Variants in TLCD4 observed in about 807,000 individuals in gnomAD.
The protein encoded by TLCD4 is TLC domain-containing protein 4.
Under a neutral mutation model 24.2 loss-of-function variants are expected in TLCD4, and 7 were observed. The observed-to-expected ratio is 0.29, with a 90% confidence interval of 0.16 to 0.54. TLCD4 has a LOEUF of 0.54. TLCD4 is among the 20% of genes least tolerant of loss of function. The pLI is 0.95. For missense variants in TLCD4, 259 were observed against 313.9 expected (o/e 0.82, Z 1.32); for synonymous variants, 103 against 106.4 (o/e 0.97, Z 0.20).
intron 5 of TLCD4, among the ~76,000 whole-genome samples, chr1:95,173,217 C>A (rs926541195): frequency 6.6e-6 from 1 of 152,002 alleles, no homozygotes; most frequent in African/African-American, 2.4e-5. Flanking sequence ...TTTTAAGGTG[C>A]TTCCAGTTAG....
the TLCD4 span, among the ~76,000 whole-genome samples, chr1:95,105,919 A>C: frequency 1.3e-5 from 2 of 151,044 alleles, no homozygotes; most frequent in Non-Finnish European, 1.5e-5. Context: ...AAAAGAAAAG[A>C]AAAAAGAAAG....
chr1:95,115,086 C>A (rs1025417826), upstream of TLCD4, among the ~76,000 whole-genome samples: 4 of 80,338 alleles, frequency 5.0e-5, no homozygotes, highest in Admixed American at 1.6e-4. Context: ...TATATATACA[C>A]ATTATATATA....
At chr1:95,168,914 G>A (rs1439965572) in intron 5 of TLCD4, among the ~76,000 whole-genome samples, 3 of 152,214 alleles carry the variant, frequency 2.0e-5, no homozygotes, top group Admixed American at 6.5e-5. Context: ...AGAGATCTGC[G>A]GAGCCAATTG....
intron 1 of TLCD4, among the ~76,000 whole-genome samples, chr1:95,122,631 TGTG>T (rs1297719445): frequency 1.3e-5 from 2 of 152,212 alleles, no homozygotes; most frequent in Admixed American, 1.3e-4. Flanking sequence ...CCAACTGCCT[TGTG>T]GTGTCCACCT....
At chr1:95,162,099 G>A (rs187067962) in intron 5 of TLCD4, among the ~76,000 whole-genome samples, 3 of 152,246 alleles carry the variant, frequency 2.0e-5, no homozygotes, top group Admixed American at 6.5e-5. Context: ...TGACAGTGGG[G>A]TGTTAAAAGT....
At chr1:95,157,713 C>T (rs1278278738) in intron 5 of TLCD4, among the ~76,000 whole-genome samples, 3 of 152,182 alleles carry the variant, frequency 2.0e-5, no homozygotes, top group African/African-American at 7.2e-5. Context: ...TTCCGTGTAG[C>T]TTGGGCTTCT....
intron 1 of TLCD4, among the ~76,000 whole-genome samples, chr1:95,136,680 T>C (rs1189527784): frequency 2.6e-5 from 4 of 152,212 alleles, no homozygotes; most frequent in Non-Finnish European, 4.4e-5. Context: ...CTTTTTTTGG[T>C]ATTTTTCATA....
At chr1:95,097,563 G>A in the TLCD4 span, among the ~76,000 whole-genome samples, 1 of 152,232 alleles carries the variant, frequency 6.6e-6, no homozygotes, top group Non-Finnish European at 1.5e-5. Flanking sequence ...CAAGATGGGA[G>A]TAACGAAGTA....
intron 6 of TLCD4, among the ~76,000 whole-genome samples, chr1:95,184,703 T>C (rs1678770276): frequency 6.6e-6 from 1 of 152,178 alleles, no homozygotes; most frequent in Non-Finnish European, 1.5e-5. Flanking sequence ...TTTCCTTCCT[T>C]CCCACATGCA....
chr1:95,170,911 C>T (rs2100986102), intron 5 of TLCD4, among the ~76,000 whole-genome samples: 1 of 151,870 alleles, frequency 6.6e-6, no homozygotes. Context: ...TTGAACAAGC[C>T]ACCAAATTTT....
intron 1 of TLCD4, among the ~76,000 whole-genome samples, chr1:95,133,690 T>A (rs548838961): frequency 6.6e-6 from 1 of 152,168 alleles, no homozygotes; most frequent in African/African-American, 2.4e-5. Flanking sequence ...GGAATTTTAT[T>A]GTGGACTCTG....
At chr1:95,159,739 C>G (rs1677730742) in intron 5 of TLCD4, among the ~76,000 whole-genome samples, 2 of 152,114 alleles carry the variant, frequency 1.3e-5, no homozygotes, top group Non-Finnish European at 2.9e-5. Flanking sequence ...GCCAGTTTTC[C>G]CAGCACCATT....
the TLCD4 span, among the ~76,000 whole-genome samples, chr1:95,110,188 TA>T: frequency 1.3e-5 from 2 of 151,368 alleles, no homozygotes; most frequent in Admixed American, 1.3e-4. Context: ...ATGACAGTTT[TA>T]CACTTTTTTT....
the TLCD4 span, among the ~76,000 whole-genome samples, chr1:95,102,406 A>G: frequency 1.3e-5 from 2 of 152,284 alleles, no homozygotes; most frequent in South Asian, 4.1e-4. Flanking sequence ...GTACTTGGAT[A>G]GAGAGAGCTG....
chr1:95,157,108 TA>T (rs1183498375), intron 5 of TLCD4, among the ~76,000 whole-genome samples: 1 of 152,158 alleles, frequency 6.6e-6, no homozygotes, highest in African/African-American at 2.4e-5. Context: ...AGAGGCCATT[TA>T]AAAAAGCTGT....
intron 5 of TLCD4, among the ~76,000 whole-genome samples, chr1:95,170,499 T>G (rs2100985193): frequency 6.6e-6 from 1 of 152,090 alleles, no homozygotes; most frequent in Admixed American, 6.5e-5. Context: ...CTGGCTAATT[T>G]TTTGTATTTT....
intron 1 of TLCD4, among the ~76,000 whole-genome samples, chr1:95,126,081 C>G (rs1189930936): frequency 6.7e-6 from 1 of 149,822 alleles, no homozygotes; most frequent in Non-Finnish European, 1.5e-5. Context: ...CACTTGTGTT[C>G]AGTAGTTTGA....
chr1:95,142,601 C>T (rs979170835), intron 1 of TLCD4, among the ~76,000 whole-genome samples: 22 of 152,098 alleles, frequency 1.4e-4, no homozygotes, highest in Non-Finnish European at 2.6e-4. Context: ...GGCTTAAATA[C>T]CTGCTACAGG....
Position 95,191,701 on chromosome 1 carries a change from A to C in TLCD4, c.625A>C (p.Ile209Leu). The change falls in exon 7 of 7, where the codon ATA (isoleucine) becomes CTA (leucine). Residue 209 changes from isoleucine to leucine, a missense_variant. Ile to Leu is a conservative substitution (Grantham distance 5, BLOSUM62 2). Transcript: ENST00000370203. ...TTCCGTGTATGGAACAGAACCCTACATAAGGCTTGGAGTTTTAATCCAGTT... is the reference window on the plus strand; with the variant it reads ...TTCCGTGTATGGAACAGAACCCTACCTAAGGCTTGGAGTTTTAATCCAGTT... ...MYSVYGTEPYIRLGVLIQLSW... is the reference protein window; with the variant it reads ...MYSVYGTEPYLRLGVLIQLSW... The C allele has an allele frequency of 6.2e-7, 1 of 1,614,186 alleles. No individual in the cohort carries two copies. Among genetic ancestry groups the C allele is most frequent in the South Asian group, 1.1e-5 (1 of 91,084 alleles).
Sources: allele counts gnomAD v4.1 joint callset (sites outside exome capture counted in the v4.1 genomes callset), GRCh38; gene constraint gnomAD v4.1.1; transcripts MANE v1.5; gene names NCBI Gene and HGNC (gene_info 2026-07-23, HGNC 2026-07-21).